Variants in SRBD1 observed in about 807,000 individuals in gnomAD.
The protein encoded by SRBD1 is S1 RNA-binding domain-containing protein 1.
In SRBD1, 88 loss-of-function variants were observed where a neutral mutation model predicts 115.3. That is an observed-to-expected ratio of 0.76 (90% CI 0.64 to 0.91). SRBD1 has a LOEUF of 0.91. Among genes scored for constraint, SRBD1 ranks in the 40% least tolerant of loss-of-function variants. The pLI, the probability that SRBD1 is intolerant of heterozygous loss-of-function variation, is 0.00. For missense variants in SRBD1, 1,385 were observed against 1,177.4 expected, an observed-to-expected ratio of 1.18 and a Z score of -2.58; for synonymous variants, 509 against 407.7, an observed-to-expected ratio of 1.25 and a Z score of -2.99.
chr2:45,413,479 C>T (rs1180084493), intron 18 of SRBD1, among the ~76,000 whole-genome samples, 186 bp from the exon 19 acceptor site: 1 of 152,146 alleles, frequency 6.6e-6, no homozygotes, highest in Non-Finnish European at 1.5e-5. Context: ...CTTTCTGTTA[C>T]TTAAAGCCAA....
chr2:45,610,867 G>A (rs530513923), intron 1 of SRBD1, among the ~76,000 whole-genome samples: 1 of 151,952 alleles, frequency 6.6e-6, no homozygotes, highest in Non-Finnish European at 1.5e-5. Flanking sequence ...GGCGGAGCTT[G>A]CAGTGAGCCG....
chr2:45,445,226 T>G (rs949517334), intron 16 of SRBD1, among the ~76,000 whole-genome samples: 2 of 152,334 alleles, frequency 1.3e-5, no homozygotes, highest in East Asian at 3.9e-4. Flanking sequence ...AAAAAGATTC[T>G]GGCTTAAGAC....
chr2:45,556,618 C>A (rs1166330783), intron 10 of SRBD1, among the ~76,000 whole-genome samples: 1 of 151,706 alleles, frequency 6.6e-6, no homozygotes. Flanking sequence ...GTGCGCCATC[C>A]CGCCCAGCTA....
At chr2:45,413,807 C>T (rs1224757946) in intron 18 of SRBD1, among the ~76,000 whole-genome samples, 1 of 152,040 alleles carries the variant, frequency 6.6e-6, no homozygotes, top group Non-Finnish European at 1.5e-5. Context: ...GCATGCCTGC[C>T]TGTAGTCCCA....
chr2:45,589,898 T>C (rs914441902), intron 4 of SRBD1, among the ~76,000 whole-genome samples: 2 of 152,114 alleles, frequency 1.3e-5, no homozygotes, highest in Non-Finnish European at 2.9e-5. Flanking sequence ...CAGACAGACA[T>C]GTAAATAGTC....
chr2:45,532,672 G>T (rs548560623), intron 14 of SRBD1, among the ~76,000 whole-genome samples: 6 of 151,702 alleles, frequency 4.0e-5, no homozygotes, highest in African/African-American at 1.2e-4. Flanking sequence ...AAAGTAATGG[G>T]AATTAAACTG....
intron 16 of SRBD1, among the ~76,000 whole-genome samples, chr2:45,424,795 T>G (rs1668104306): frequency 6.6e-6 from 1 of 152,216 alleles, no homozygotes; most frequent in South Asian, 2.1e-4. Flanking sequence ...GGTGGTCCCA[T>G]TCTATTTATT....
At chr2:45,583,779 A>T (rs796945039) in intron 5 of SRBD1, among the ~76,000 whole-genome samples, 1 of 152,330 alleles carries the variant, frequency 6.6e-6, no homozygotes, top group African/African-American at 2.4e-5. Flanking sequence ...TTTCTGTATT[A>T]TAGAAAAAGA....
chr2:45,427,880 G>C (rs947686671), intron 16 of SRBD1, among the ~76,000 whole-genome samples: 3 of 152,094 alleles, frequency 2.0e-5, no homozygotes, highest in African/African-American at 4.8e-5. Context: ...AAGAAACTTA[G>C]ACTCCCACAC....
intron 14 of SRBD1, among the ~76,000 whole-genome samples, chr2:45,509,180 G>C (rs924268483): frequency 1.3e-5 from 2 of 152,046 alleles, no homozygotes; most frequent in African/African-American, 4.8e-5. Flanking sequence ...TAATCTCCGA[G>C]GGATATATTG....
At chr2:45,400,346 A>C (rs1011090167) in intron 19 of SRBD1, among the ~76,000 whole-genome samples, 58 of 152,110 alleles carry the variant, frequency 3.8e-4, no homozygotes, top group African/African-American at 1.4e-3. Context: ...CTTGATGAAA[A>C]GAAAAAAAGG....
chr2:45,407,190 G>C (rs778545705), intron 19 of SRBD1, among the ~76,000 whole-genome samples: 4 of 152,154 alleles, frequency 2.6e-5, no homozygotes, highest in Non-Finnish European at 4.4e-5. Context: ...GCTGTGTGAG[G>C]TTTAAACATG....
At chr2:45,531,875 A>C (rs950412465) in intron 14 of SRBD1, among the ~76,000 whole-genome samples, 1 of 151,826 alleles carries the variant, frequency 6.6e-6, no homozygotes, top group African/African-American at 2.4e-5. Context: ...AAGAATAAAC[A>C]GGCTGGAAGT....
intron 14 of SRBD1, among the ~76,000 whole-genome samples, chr2:45,542,968 T>G (rs1296658010): frequency 6.6e-6 from 1 of 152,204 alleles, no homozygotes; most frequent in African/African-American, 2.4e-5. Context: ...ATGATTTCAT[T>G]ATGTATAAAT....
intron 11 of SRBD1, among the ~76,000 whole-genome samples, chr2:45,552,687 A>G (rs1295609386): frequency 6.6e-6 from 1 of 152,240 alleles, no homozygotes; most frequent in Non-Finnish European, 1.5e-5. Context: ...GACAGCTTGA[A>G]GTGAAATACA....
chr2:45,560,208 G>C (rs1451590866), intron 10 of SRBD1, among the ~76,000 whole-genome samples: 3 of 152,070 alleles, frequency 2.0e-5, no homozygotes, highest in Non-Finnish European at 1.5e-5. Context: ...TTTTCAATTG[G>C]AGAACTAAAT....
chr2:45,437,246 C>G (rs1205483508), intron 16 of SRBD1, among the ~76,000 whole-genome samples: 4 of 151,376 alleles, frequency 2.6e-5, no homozygotes, highest in Admixed American at 1.3e-4. Flanking sequence ...CTAATTAGAC[C>G]CAGAACAGCC....
At chr2:45,534,706 G>A (rs1291474892) in intron 14 of SRBD1, among the ~76,000 whole-genome samples, 1 of 151,904 alleles carries the variant, frequency 6.6e-6, no homozygotes, top group African/African-American at 2.4e-5. Flanking sequence ...CTGCACTAGT[G>A]AGAAATTAAT....
chr2:45,532,151 C>T lies in SRBD1; in HGVS notation c.1874+14581G>A, dbSNP rs540336343. Among the ~76,000 whole-genome samples the T allele has an allele frequency of 8.7e-5, 13 of 149,614 alleles. No individual in the cohort carries two copies. The South Asian group carries it at 1.7e-3, about 20-fold the overall frequency. On this transcript the variant is annotated intron_variant, in intron 14 of 20. Coordinates refer to ENST00000263736, the MANE Select transcript of SRBD1 (RefSeq NM_018079.5). Reference sequence around the variant, plus strand: ...CTTCTCTGGCTAACTTTTGCCATGCCGCTGCCATCACCACCATCAGCACCA... The same window carrying T: ...CTTCTCTGGCTAACTTTTGCCATGCTGCTGCCATCACCACCATCAGCACCA...
Sources: allele counts gnomAD v4.1 joint callset (sites outside exome capture counted in the v4.1 genomes callset), GRCh38; gene constraint gnomAD v4.1.1; transcripts MANE v1.5; gene names NCBI Gene and HGNC (gene_info 2026-07-23, HGNC 2026-07-21).